Variants in FGGY observed in about 807,000 individuals in gnomAD.
FGGY encodes FGGY carbohydrate kinase domain containing, also known as FGGY carbohydrate kinase domain-containing protein.
In FGGY, 72 loss-of-function variants were observed where a neutral mutation model predicts 71.3. The ratio of observed to expected loss-of-function variants is 1.01; its 90% CI spans 0.84 to 1.23. The LOEUF (loss-of-function observed/expected upper bound fraction) is 1.23, where lower values mean the gene tolerates loss of function less well. Among genes scored for constraint, FGGY ranks in the 50% most tolerant of loss-of-function variants. The pLI, the probability that FGGY is intolerant of heterozygous loss-of-function variation, is 0.00. For missense variants in FGGY, 668 were observed against 682.3 expected (o/e 0.98, Z 0.23); for synonymous variants, 251 against 250.3 (o/e 1.00, Z -0.02).
chr1:59,671,063 G>A (rs1277872324), intron 13 of FGGY, among the ~76,000 whole-genome samples: 5 of 152,104 alleles, frequency 3.3e-5, no homozygotes, highest in Non-Finnish European at 5.9e-5. Flanking sequence ...AGCATTCTCT[G>A]TGCACACCAG....
At chr1:59,705,337 T>C (rs1308084744) in intron 14 of FGGY, among the ~76,000 whole-genome samples, 1 of 152,208 alleles carries the variant, frequency 6.6e-6, no homozygotes, top group African/African-American at 2.4e-5. Flanking sequence ...TACTTGAAGC[T>C]GTGTTTTTCA....
chr1:59,455,409 C>T (rs963347617), intron 5 of FGGY, among the ~76,000 whole-genome samples: 2 of 152,102 alleles, frequency 1.3e-5, no homozygotes, highest in African/African-American at 4.8e-5. Flanking sequence ...GAAATCAAGG[C>T]TCACTATAGC....
intron 6 of FGGY, among the ~76,000 whole-genome samples, chr1:59,473,127 C>G (rs1020472436): frequency 6.6e-6 from 1 of 152,150 alleles, no homozygotes; most frequent in Non-Finnish European, 1.5e-5. Flanking sequence ...TTCTTTCTCT[C>G]TTTGCAATAA....
chr1:59,395,978 A>T (rs1400715984), intron 5 of FGGY, among the ~76,000 whole-genome samples: 2 of 152,192 alleles, frequency 1.3e-5, no homozygotes, highest in Non-Finnish European at 2.9e-5. Context: ...TTAGGCAAAT[A>T]ATCACCCTAA....
chr1:59,673,889 A>G (rs2097406176), intron 13 of FGGY, 150 bp from the exon 14 acceptor site: 2 of 625,106 alleles, frequency 3.2e-6, no homozygotes, highest in Non-Finnish European at 5.7e-6. Context: ...AAATAATCCC[A>G]AGGAATAAAG....
intron 6 of FGGY, among the ~76,000 whole-genome samples, chr1:59,489,631 TA>T (rs2153582023): frequency 6.6e-6 from 1 of 152,320 alleles, no homozygotes; most frequent in Admixed American, 6.5e-5. Context: ...ATTGGATACC[TA>T]GGCTGATTCA....
intron 12 of FGGY, among the ~76,000 whole-genome samples, chr1:59,661,273 A>G (rs1189209938): frequency 6.6e-6 from 1 of 152,200 alleles, no homozygotes; most frequent in Non-Finnish European, 1.5e-5. Flanking sequence ...TGCTTTTTTA[A>G]TGCTCAGATT....
chr1:59,297,918 C>G (rs1164928619), intron 1 of FGGY, among the ~76,000 whole-genome samples: 3 of 152,146 alleles, frequency 2.0e-5, no homozygotes, highest in Admixed American at 6.5e-5. Flanking sequence ...AATTTCTTCC[C>G]CGAAGAGTCA....
chr1:59,644,706 G>A (rs548419356), intron 11 of FGGY, among the ~76,000 whole-genome samples: 2 of 152,078 alleles, frequency 1.3e-5, no homozygotes, highest in East Asian at 1.9e-4. Context: ...GGCCGGGTGC[G>A]GTGGCTCACG....
At chr1:59,317,000 C>T (rs959455683) in intron 1 of FGGY, among the ~76,000 whole-genome samples, 2 of 152,148 alleles carry the variant, frequency 1.3e-5, no homozygotes, top group Admixed American at 6.5e-5. Context: ...TGGAGTCACA[C>T]TGACTTAGCC....
At chr1:59,410,916 T>G (rs2063514877) in intron 5 of FGGY, among the ~76,000 whole-genome samples, 1 of 152,230 alleles carries the variant, frequency 6.6e-6, no homozygotes, top group South Asian at 2.1e-4. Context: ...TTAATTTTAG[T>G]TACTATGGGA....
chr1:59,518,848 G>C (rs781351156), intron 7 of FGGY, among the ~76,000 whole-genome samples: 59 of 152,248 alleles, frequency 3.9e-4, no homozygotes, highest in Non-Finnish European at 7.4e-4. Flanking sequence ...AAACTGTTCA[G>C]TTTCAGGTAT....
intron 5 of FGGY, among the ~76,000 whole-genome samples, chr1:59,423,277 C>T (rs2065769041): frequency 6.6e-6 from 1 of 152,178 alleles, no homozygotes; most frequent in African/African-American, 2.4e-5. Context: ...AGGAGTGTGG[C>T]AGCTGAAGCA....
At chr1:59,699,351 T>C (rs1318359782) in intron 14 of FGGY, 2 of 985,244 alleles carry the variant, frequency 2.0e-6, no homozygotes, top group Non-Finnish European at 1.2e-6. Context: ...GCCTTTTGCA[T>C]AGTTATTGAA....
intron 6 of FGGY, among the ~76,000 whole-genome samples, chr1:59,463,157 A>G (rs980478114): frequency 2.9e-4 from 44 of 152,208 alleles, no homozygotes; most frequent in Non-Finnish European, 5.6e-4. Context: ...TGCAGCCATA[A>G]AAAATGATGA....
intron 6 of FGGY, among the ~76,000 whole-genome samples, chr1:59,466,062 A>G (rs191825499): frequency 1.3e-3 from 197 of 152,336 alleles, no homozygotes; most frequent in African/African-American, 4.5e-3. Flanking sequence ...ATCCTAAGCA[A>G]AAAGAAAAAG....
chr1:59,748,332 G>T (rs2098217072), intron 14 of FGGY, among the ~76,000 whole-genome samples: 1 of 152,146 alleles, frequency 6.6e-6, no homozygotes, highest in South Asian at 2.1e-4. Flanking sequence ...ATGAGATGAT[G>T]TCATAGATGT....
At chr1:59,530,262 G>A (rs2095104737) in intron 7 of FGGY, among the ~76,000 whole-genome samples, 1 of 152,096 alleles carries the variant, frequency 6.6e-6, no homozygotes, top group Admixed American at 6.5e-5. Flanking sequence ...CTGTCACCCA[G>A]CACTGCTAAC....
chr1:59,590,722 T>G (rs1214195463), intron 8 of FGGY, among the ~76,000 whole-genome samples: 1 of 152,178 alleles, frequency 6.6e-6, no homozygotes, highest in African/African-American at 2.4e-5. Context: ...GAAAAGGCCT[T>G]TGACAAAATT....
Sources: gnomAD v4.1 joint callset for allele counts (sites outside exome capture counted in the v4.1 genomes callset) on GRCh38, gnomAD v4.1.1 for gene constraint, MANE v1.5 for transcripts, NCBI Gene and HGNC (gene_info 2026-07-23, HGNC 2026-07-21) for gene names.